Variants in PTK6 observed in about 807,000 individuals in gnomAD.
The protein encoded by PTK6 is protein-tyrosine kinase 6.
In PTK6, 47 loss-of-function variants were observed where a neutral mutation model predicts 47.5. The ratio of observed to expected loss-of-function variants is 0.99; its 90% confidence interval spans 0.78 to 1.26. The LOEUF (loss-of-function observed/expected upper bound fraction) is 1.26. Among genes scored for constraint, PTK6 ranks in the 50% most tolerant of loss-of-function variants. PTK6 has a pLI of 0.00. For synonymous variants in PTK6, 287 were observed against 276.5 expected (o/e 1.04, Z -0.38); for missense variants, 618 against 625.3 (o/e 0.99, Z 0.12).
intron 5 of PTK6, among the ~76,000 whole-genome samples, chr20:63,531,614 C>CACA (rs2082622328): frequency 8.3e-6 from 1 of 120,530 alleles, no homozygotes; most frequent in African/African-American, 2.8e-5. Flanking sequence ...GACTCCGTCT[C>CACA]AAAAAAAAAA....
In PTK6 at chr20:63,536,630, C is replaced by T. The variant is rs917393961; in HGVS notation, c.230+455G>A. ...CAGGAAGTTTGCCCGGCAGCCGGCCCGCTCCCCTAACTAGGTCGTGTGTCT... is the reference window on the plus strand; with the variant it reads ...CAGGAAGTTTGCCCGGCAGCCGGCCTGCTCCCCTAACTAGGTCGTGTGTCT... On this transcript the variant is annotated intron_variant, in intron 1 of 7. Transcript: ENST00000542869. 3.3e-5 allele frequency among the ~76,000 whole-genome samples: 5 copies of T among 152,126 alleles called. No homozygotes were observed. The East Asian group carries it at 7.7e-4, about 24-fold the overall frequency.
rs310643 is a variant in PTK6, at chr20:63,530,360, C to T, written c.1015-129G>A. 119,663 of 1,226,064 alleles carry T rather than the reference C, an allele frequency of 0.098. 10,299 individuals carry two copies. The highest frequency in any genetic ancestry group is 0.44 in the African/African-American group (28,951 of 66,410). 75.9% of individuals were successfully genotyped at this position (1,226,064 alleles called of 1,614,324 possible). ...ATGACCCCACTGTCTGACCCACGCA[C>T]GGCCGCTGCAGCTAAGGCCACACTG... On this transcript the variant is annotated intron_variant, in intron 6 of 7. Transcript: ENST00000542869. This position sits in a 1 kb window ranked among gnomAD's most constrained non-coding sequence, Gnocchi z 4.1.
At position 63,532,525 on chromosome 20, in the gene PTK6, C is replaced by A; in HGVS notation, c.832+1G>T. 1 of 1,609,670 alleles carries A rather than the reference C, an allele frequency of 6.2e-7. No individual in the cohort carries two copies. The highest frequency in any genetic ancestry group is 8.5e-7 in the Non-Finnish European group (1 of 1,177,096). Reference sequence around the variant, plus strand: ...CAAGAGCCCCGGCCCATGCCACTCACCGCGGAGCAGCTCCAGCAGGCTGCC... The same window carrying A: ...CAAGAGCCCCGGCCCATGCCACTCAACGCGGAGCAGCTCCAGCAGGCTGCC... On this transcript the variant is annotated splice_donor_variant, in intron 5 of 7. Coordinates refer to ENST00000542869, the MANE Select transcript of PTK6 (RefSeq NM_005975.4). LOFTEE classifies it high-confidence loss of function.
Position 63,529,488 on chromosome 20 carries a change from C to G in PTK6, c.*48G>C, listed in dbSNP as rs2145968190. The G allele has an allele frequency of 6.7e-7, 1 of 1,494,546 alleles. No individual in the cohort carries two copies. The highest frequency in any genetic ancestry group is 2.5e-5 in the East Asian group (1 of 40,538). 92.6% of individuals were successfully genotyped at this position (1,494,546 alleles called of 1,614,324 possible). A position where few individuals can be genotyped will look rare whatever the true frequency, so the allele number is the denominator to read the frequency against. On this transcript the variant is annotated 3_prime_UTR_variant, in exon 8 of 8. Transcript: ENST00000542869. The surrounding 1 kb of genome is among the most constrained non-coding windows in gnomAD (Gnocchi z 5.6). ...CTTGATCCCAGGTCCAGGCCCTCTG[C>G]CCAGGCCCCTCCTCAGCAGGGCCCG...
chr20:63,533,487 G>C lies in PTK6; in HGVS notation c.670+64C>G. The stretch of plus-strand genomic sequence containing the variant: ...CTCGAGGCCAGAGGTCCCTGTTGGC[G>C]GGGTGGGAGGGTGGCCCAGGGCAGG... On this transcript the variant is annotated intron_variant, in intron 4 of 7. Transcript: ENST00000542869. This position sits in a 1 kb window ranked among gnomAD's most constrained non-coding sequence, Gnocchi z 4.0. 6.7e-7 allele frequency: 1 copy of C among 1,495,934 alleles called. No homozygotes were observed. Among genetic ancestry groups the C allele is most frequent in the Non-Finnish European group, 8.9e-7 (1 of 1,118,712 alleles). 92.7% of individuals were successfully genotyped at this position (1,495,934 alleles called of 1,614,324 possible).
rs759336499 is a variant in PTK6 at position 63,530,696 on chromosome 20, TCCGGCCACGCC to T, written c.1014+39_1014+49del. The T allele has an allele frequency of 7.5e-6, 12 of 1,591,520 alleles. No homozygotes were observed. Among genetic ancestry groups the T allele is most frequent in the East Asian group, 6.8e-5 (3 of 44,374 alleles). ...TCCACACACAGGAAGCCCCCAGCCC[TCCGGCCACGCC>T]CCGGCCACGACCCCAGCCACGCCCT... On this transcript the variant is annotated intron_variant, in intron 6 of 7. Transcript: ENST00000542869. The surrounding 1 kb of genome is among the most constrained non-coding windows in gnomAD (Gnocchi z 4.1).
chr20:63,531,434 AAAAATAT>A (rs1343400753), intron 5 of PTK6, among the ~76,000 whole-genome samples: 27 of 113,476 alleles, frequency 2.4e-4, no homozygotes, highest in African/African-American at 9.4e-4. Context: ...AAAAAAAAAA[AAAAATAT>A]ATATATATAT....
intron 2 of PTK6, 82 bp from the exon 3 acceptor site, chr20:63,534,397 CAG>C: frequency 2.1e-6 from 3 of 1,462,450 alleles, no homozygotes; most frequent in East Asian, 4.9e-5. Flanking sequence ...CACACCTGCG[CAG>C]AGTTTCTGGG....
At chr20:63,531,594 G>A (rs188551247) in intron 5 of PTK6, among the ~76,000 whole-genome samples, 1,511 of 144,586 alleles carry the variant, frequency 0.01, 25 homozygotes, top group African/African-American at 0.04. Context: ...CAGCCTGGGC[G>A]ACAGAGTGAG....
Position 63,533,793 on chromosome 20 carries a change from C to T in PTK6, c.517-89G>A, listed in dbSNP as rs1250710303. 6.6e-7 allele frequency: 1 copy of T among 1,504,902 alleles called. No homozygotes were observed. The highest frequency in any genetic ancestry group is 8.9e-7 in the Non-Finnish European group (1 of 1,122,742). 93.2% of individuals were successfully genotyped at this position (1,504,902 alleles called of 1,614,324 possible). A position where few individuals can be genotyped will look rare whatever the true frequency, so the allele number is the denominator to read the frequency against. ...AGCACAGGGAGCCTGGATTTAGCCT[C>T]AGATTTAGGGCCACGATCAGCCTGG... On this transcript the variant is annotated intron_variant, in intron 3 of 7. Coordinates refer to ENST00000542869, the MANE Select transcript of PTK6 (RefSeq NM_005975.4). The surrounding 1 kb of genome is among the most constrained non-coding windows in gnomAD (Gnocchi z 4.0).
chr20:63,530,713 C>A lies in PTK6; in HGVS notation c.1014+33G>T, dbSNP rs771302497. The A allele has an allele frequency of 5.6e-6, 9 of 1,608,446 alleles. No homozygotes were observed. The South Asian group carries it at 9.9e-5, about 18-fold the overall frequency. ...CCCAGCCCTCCGGCCACGCCCCGGCCACGACCCCAGCCACGCCCTCTGAGG... is the reference window on the plus strand; with the variant it reads ...CCCAGCCCTCCGGCCACGCCCCGGCAACGACCCCAGCCACGCCCTCTGAGG... On this transcript the variant is annotated intron_variant, in intron 6 of 7. Coordinates refer to ENST00000542869, the MANE Select transcript of PTK6 (RefSeq NM_005975.4). This position sits in a 1 kb window ranked among gnomAD's most constrained non-coding sequence, Gnocchi z 4.1.
chr20:63,529,542 C>G lies in PTK6; in HGVS notation c.1350G>C (p.Pro450=), dbSNP rs774020501. ...RLSSFTSYEN[P]T ...ATGCCCGCTCCACAGCAGCTCAGGT[C>G]GGGTTCTCGTAGCTGGTGAAGCTGG... The change falls in exon 8 of 8, where the codon CCG becomes CCC. Residue 450 remains proline (P), a synonymous_variant. Coordinates refer to ENST00000542869, the MANE Select transcript of PTK6 (RefSeq NM_005975.4). The surrounding 1 kb of genome is among the most constrained non-coding windows in gnomAD (Gnocchi z 5.6). 1.3e-6 allele frequency: 2 copies of G among 1,568,138 alleles called. No homozygotes were observed. The highest frequency in any genetic ancestry group is 1.2e-5 in the South Asian group (1 of 85,266).
intron 5 of PTK6, among the ~76,000 whole-genome samples, chr20:63,531,203 C>G (rs921860887): frequency 2.0e-5 from 3 of 151,542 alleles, no homozygotes; most frequent in African/African-American, 7.3e-5. Flanking sequence ...GGATGGATCA[C>G]GAGGTCAGGA....
chr20:63,535,379 C>T (rs1229643904), intron 1 of PTK6, among the ~76,000 whole-genome samples: 1 of 151,774 alleles, frequency 6.6e-6, no homozygotes, highest in East Asian at 1.9e-4. Flanking sequence ...CCAGAGCTGC[C>T]TGCACACACC....
rs1454587235 is a variant in PTK6, at chr20:63,530,002, C to A, written c.1168+76G>T. On this transcript the variant is annotated intron_variant, in intron 7 of 7. Transcript: ENST00000542869. The surrounding 1 kb of genome is among the most constrained non-coding windows in gnomAD (Gnocchi z 4.1). ...CTGAAGCCCGTGGGGGAGGCACCCC[C>A]CAGCGTCCCTGCCGGCTACCCAGGA... 2.6e-5 allele frequency: 41 copies of A among 1,548,364 alleles called. No homozygotes were observed. The highest frequency in any genetic ancestry group is 5.5e-5 in the African/African-American group (4 of 72,806).
At chr20:63,536,958 G>T in intron 1 of PTK6, 127 bp downstream of exon 1, 1 of 1,002,086 alleles carries the variant, frequency 1.0e-6, no homozygotes, top group Non-Finnish European at 1.4e-6. Context: ...CCTGGACTTT[G>T]GGGTGCAGGA....
intron 5 of PTK6, among the ~76,000 whole-genome samples, chr20:63,532,301 G>A (rs369789001): frequency 1.4e-5 from 2 of 141,050 alleles, no homozygotes; most frequent in East Asian, 1.9e-4. Context: ...TGTCTTGTGT[G>A]TGTGTCTGTG....
chr20:63,535,637 A>G (rs1281702090), intron 1 of PTK6, among the ~76,000 whole-genome samples: 1 of 151,800 alleles, frequency 6.6e-6, no homozygotes, highest in Non-Finnish European at 1.5e-5. Flanking sequence ...TGACTCCCTC[A>G]GGTCACTGGA....
chr20:63,533,685 G>A lies in PTK6; in HGVS notation c.536C>T (p.Pro179Leu), dbSNP rs2082642798. 6.2e-7 allele frequency: 1 copy of A among 1,613,196 alleles called. No individual in the cohort carries two copies. The highest frequency in any genetic ancestry group is 8.5e-7 in the Non-Finnish European group (1 of 1,179,718). ...CGGCCTCTCCCAGTCATCCCAATGG[G>A]GCAGGGGCTCAGGCTCGTGCTGGAG... ...PCRKHEPEPL[P>L]HWDDWERPRE... Residue 179 changes from proline (P) to leucine (L), a missense_variant, in exon 4 of 8, where the codon CCC becomes CTC. Transcript: ENST00000542869. This position sits in a 1 kb window ranked among gnomAD's most constrained non-coding sequence, Gnocchi z 4.0.
Sources: allele counts gnomAD v4.1 joint callset (sites outside exome capture counted in the v4.1 genomes callset), GRCh38; gene constraint gnomAD v4.1.1; non-coding constraint Gnocchi (gnomAD v3.1); transcripts MANE v1.5; gene names NCBI Gene and HGNC (gene_info 2026-07-23, HGNC 2026-07-21).